LCP1: variants seen among roughly 807,000 people sequenced by gnomAD.
The protein encoded by LCP1 is lymphocyte cytosolic protein 1.
LCP1 carries 23 observed loss-of-function variants against 72.0 expected under a neutral mutation model. The ratio of observed to expected loss-of-function variants is 0.32; its 90% CI spans 0.23 to 0.45. The LOEUF (loss-of-function observed/expected upper bound fraction) is 0.45, where lower values mean the gene tolerates loss of function less well. Among genes scored for constraint, LCP1 ranks in the 20% least tolerant of loss-of-function variants. LCP1 has a pLI of 1.00. For synonymous variants in LCP1, 245 were observed against 275.4 expected (o/e 0.89, Z 1.09); for missense variants, 571 against 748.3 (o/e 0.76, Z 2.76).
At chr13:46,134,371 T>C (rs1363442572) in intron 13 of LCP1, 121 bp from the exon 14 acceptor site, 18 of 775,496 alleles carry the variant, frequency 2.3e-5, no homozygotes, top group Non-Finnish European at 3.7e-5. Flanking sequence ...TGGACACCAT[T>C]ACATTTGAGA....
Position 46,158,570 on chromosome 13 carries a change from C to G in LCP1, c.310G>C (p.Gly104Arg), listed in dbSNP as rs1278205681. 2 of 1,614,146 alleles carry G rather than the reference C, an allele frequency of 1.2e-6. No homozygotes were observed. The highest frequency in any genetic ancestry group is 1.7e-6 in the Non-Finnish European group (2 of 1,180,010). ...ACGCTAGACTGCTCTGAAGTACCAC[C>G]GATTGCACAAATCCCTTCCTTCTTA... is the stretch of plus-strand genomic sequence containing the variant. ...INKKEGICAI[G>R]GTSEQSSVGT... is the part of the protein sequence containing the mutation. Residue 104 changes from glycine (G) to arginine (R), a missense_variant, in exon 4 of 16, where the codon GGT (glycine) becomes CGT (arginine). Physicochemically the swap from Gly to Arg is moderately radical, Grantham distance 125. Transcript: ENST00000323076.
chr13:46,146,839 A>G, intron 10 of LCP1, 69 bp downstream of exon 10: 1 of 1,451,248 alleles, frequency 6.9e-7, no homozygotes, highest in Non-Finnish European at 9.7e-7. Context: ...TTAGGAAGTG[A>G]GTTTGAATTG....
intron 1 of LCP1, among the ~76,000 whole-genome samples, chr13:46,171,407 GACT>G (rs2045903897): frequency 1.3e-5 from 2 of 152,104 alleles, no homozygotes; most frequent in African/African-American, 4.8e-5. Flanking sequence ...TTTTACTTAG[GACT>G]GGGCCCTTCC....
chr13:46,161,849 G>A (rs1418526947), intron 1 of LCP1, among the ~76,000 whole-genome samples: 1 of 152,130 alleles, frequency 6.6e-6, no homozygotes, highest in Non-Finnish European at 1.5e-5. Context: ...AAGGCAAAAA[G>A]GAAAGTATCA....
At chr13:46,177,545 C>G (rs1046699220) in intron 1 of LCP1, among the ~76,000 whole-genome samples, 1 of 152,042 alleles carries the variant, frequency 6.6e-6, no homozygotes, top group Non-Finnish European at 1.5e-5. Context: ...GAGGCTGAGG[C>G]AGGAGAATCG....
chr13:46,127,508 G>A lies in LCP1; in HGVS notation c.*83C>T. The stretch of plus-strand genomic sequence containing the variant: ...ATAGAGTGTCACCAAGTTGAACTTT[G>A]GAATGGCTTGAATCATCCCTGGAGC... On this transcript the variant is annotated 3_prime_UTR_variant, in exon 16 of 16. Coordinates refer to ENST00000323076, the MANE Select transcript of LCP1 (RefSeq NM_002298.5). 6.5e-7 allele frequency: 1 copy of A among 1,542,530 alleles called. No homozygotes were observed. The highest frequency in any genetic ancestry group is 8.8e-7 in the Non-Finnish European group (1 of 1,131,952).
At chr13:46,152,291 G>C (rs1332059475) in intron 7 of LCP1, among the ~76,000 whole-genome samples, 1 of 151,384 alleles carries the variant, frequency 6.6e-6, no homozygotes, top group South Asian at 2.1e-4. Flanking sequence ...TATAGCCCTC[G>C]TGCTGTTTAG....
In LCP1 at chr13:46,134,143, G is replaced by A; in HGVS notation, c.1610C>T (p.Ser537Phe). 1 of 1,613,520 alleles carries A rather than the reference G, an allele frequency of 6.2e-7. No individual in the cohort carries two copies. Residue 537 changes from serine (S) to phenylalanine (F), a missense_variant, in exon 14 of 16, where the codon TCC (serine) becomes TTC (phenylalanine). Physicochemically the swap from Ser to Phe is radical, Grantham distance 155. Coordinates refer to ENST00000323076, the MANE Select transcript of LCP1 (RefSeq NM_002298.5). Reference sequence around the variant, plus strand: ...GAATTTTACCTTGAAACTAGAGATGGATGAACTTTTCTTTGCTTCCCTCAA... The same window carrying A: ...GAATTTTACCTTGAAACTAGAGATGAATGAACTTTTCTTTGCTTCCCTCAA... Reference protein sequence around the residue: ...ETLREAKKSSSISSFKDPKIS... With the variant: ...ETLREAKKSSFISSFKDPKIS...
chr13:46,158,033 G>A (rs2045814524), intron 4 of LCP1, among the ~76,000 whole-genome samples: 2 of 152,112 alleles, frequency 1.3e-5, no homozygotes, highest in African/African-American at 4.8e-5. Flanking sequence ...GGCCTCATGA[G>A]TTTATCTTTA....
chr13:46,147,162 T>A, intron 9 of LCP1, 59 bp from the exon 10 acceptor site: 1 of 1,379,984 alleles, frequency 7.2e-7, no homozygotes, highest in Non-Finnish European at 9.7e-7. Flanking sequence ...CAAAGCAGAT[T>A]GCATAATGTG....
Position 46,156,503 on chromosome 13 carries a change from A to C in LCP1, c.426T>G (p.His142Gln). ...KALENDPDCR[H>Q]VIPMNPNTND... ...TCGTGTTTGGGTTCATTGGGATGAC[A>C]TGCCGACAATCAGGATCATTTTCCA... Residue 142 changes from histidine to glutamine, a missense_variant, in exon 5 of 16, where the codon CAT becomes CAG. Physicochemically the swap from His to Gln is conservative, Grantham distance 24 (BLOSUM62 0). Transcript: ENST00000323076. The C allele has an allele frequency of 6.2e-7, 1 of 1,614,224 alleles. No homozygotes were observed. Among genetic ancestry groups the C allele is most frequent in the East Asian group, 2.2e-5 (1 of 44,882 alleles).
At chr13:46,174,567 G>C (rs2045919155) in intron 1 of LCP1, among the ~76,000 whole-genome samples, 1 of 152,138 alleles carries the variant, frequency 6.6e-6, no homozygotes, top group East Asian at 1.9e-4. Flanking sequence ...TTATAGGCCG[G>C]GTGCAGTGAC....
chr13:46,126,750 G>T lies in LCP1; in HGVS notation c.*841C>A, dbSNP rs1399639384. On this transcript the variant is annotated 3_prime_UTR_variant, in exon 16 of 16. Coordinates refer to ENST00000323076, the MANE Select transcript of LCP1 (RefSeq NM_002298.5). ...TATAGCTCCATGCTGCCGCCGAGTGGCTTGATGCTCCATTACACCCTCCTT... is the reference window on the plus strand; with the variant it reads ...TATAGCTCCATGCTGCCGCCGAGTGTCTTGATGCTCCATTACACCCTCCTT... The T allele has an allele frequency of 1.7e-5, 4 of 231,114 alleles. No individual in the cohort carries two copies. Among genetic ancestry groups the T allele is most frequent in the Non-Finnish European group, 3.4e-5 (4 of 116,830 alleles). 14.3% of individuals were successfully genotyped at this position (231,114 alleles called of 1,614,324 possible). A position where few individuals can be genotyped will look rare whatever the true frequency, so the allele number is the denominator to read the frequency against.
At chr13:46,167,548 T>C (rs2045883295) in intron 1 of LCP1, among the ~76,000 whole-genome samples, 1 of 152,164 alleles carries the variant, frequency 6.6e-6, no homozygotes, top group Non-Finnish European at 1.5e-5. Context: ...CTTTAGACAG[T>C]GATGCTCCTG....
chr13:46,180,033 T>G (rs985449273), intron 1 of LCP1, among the ~76,000 whole-genome samples: 5 of 152,064 alleles, frequency 3.3e-5, no homozygotes, highest in African/African-American at 1.2e-4. Context: ...AAACTGTGAG[T>G]GCCAAGATCT....
intron 10 of LCP1, among the ~76,000 whole-genome samples, chr13:46,146,104 G>C (rs2045729208): frequency 6.6e-6 from 1 of 152,024 alleles, no homozygotes; most frequent in African/African-American, 2.4e-5. Context: ...TTGTGGGCTT[G>C]ATATATAGAT....
Position 46,175,138 on chromosome 13 carries a change from A to G in LCP1, c.-25+6973T>C, listed in dbSNP as rs548244178. ...ATCTGGAATAAGGATATAATTAATA[A>G]CAACTTTACCTAGCTATGTATGAAA... On this transcript the variant is annotated intron_variant, in intron 1 of 15. Coordinates refer to ENST00000323076, the MANE Select transcript of LCP1 (RefSeq NM_002298.5). Among the ~76,000 whole-genome samples the G allele has an allele frequency of 9.2e-5, 14 of 152,304 alleles. No individual in the cohort carries two copies. The South Asian group carries it at 2.9e-3, about 32-fold the overall frequency.
At chr13:46,175,106 C>T (rs9567633) in intron 1 of LCP1, among the ~76,000 whole-genome samples, 27,123 of 152,106 alleles carry the variant, frequency 0.18, 3,045 homozygotes, top group South Asian at 0.3. Context: ...TGAACCTCAG[C>T]TTGGTCATCT....
chr13:46,152,983 C>A, intron 6 of LCP1, 38 bp from the exon 7 acceptor site: 2 of 1,579,140 alleles, frequency 1.3e-6, no homozygotes, highest in South Asian at 1.2e-5. Flanking sequence ...TGTTCTATGA[C>A]TTTGTAGATG....
Sources: gnomAD v4.1 joint callset for allele counts (sites outside exome capture counted in the v4.1 genomes callset) on GRCh38, gnomAD v4.1.1 for gene constraint, MANE v1.5 for transcripts, NCBI Gene and HGNC (gene_info 2026-07-23, HGNC 2026-07-21) for gene names.